Variants in TET3 observed in about 807,000 individuals in gnomAD.
The protein encoded by TET3 is methylcytosine dioxygenase TET3.
TET3 carries 19 observed loss-of-function variants against 141.4 expected under a neutral mutation model. The observed-to-expected ratio is 0.13, with a 90% CI of 0.09 to 0.20. The LOEUF is 0.20. Among genes scored for constraint, TET3 ranks in the 10% least tolerant of loss-of-function variants. TET3 has a pLI of 1.00. For synonymous variants in TET3, 1,043 were observed against 980.9 expected (o/e 1.06, Z -1.18); for missense variants, 1,874 against 2,356.9 (o/e 0.80, Z 4.24).
At chr2:74,135,442 A>G in the TET3 span, 1 of 1,231,046 alleles carries the variant, frequency 8.1e-7, no homozygotes, top group African/African-American at 1.5e-5. Context: ...TTTAATTAAC[A>G]TCTAAATAGA....
the TET3 span, chr2:74,120,672 T>G: frequency 6.6e-6 from 1 of 152,288 alleles, no homozygotes; most frequent in Non-Finnish European, 1.5e-5. Flanking sequence ...CTTGCCTGCC[T>G]GGACCCAGAA....
chr2:74,097,583 A>C (rs928214831), intron 10 of TET3, among the ~76,000 whole-genome samples: 2 of 152,324 alleles, frequency 1.3e-5, no homozygotes, highest in African/African-American at 4.8e-5. Flanking sequence ...GCACCGGGCC[A>C]GTCAGGAGGC....
intron 3 of TET3, among the ~76,000 whole-genome samples, chr2:74,025,192 C>G (rs1303847497): frequency 2.2e-4 from 32 of 145,622 alleles, no homozygotes; most frequent in Non-Finnish European, 4.4e-4. Context: ...CTACTGCACT[C>G]CAGCCTGGGT....
intron 8 of TET3, among the ~76,000 whole-genome samples, 167 bp downstream of exon 8, chr2:74,090,214 T>C (rs563519937): frequency 2.0e-5 from 3 of 152,314 alleles, no homozygotes; most frequent in African/African-American, 7.2e-5. Flanking sequence ...ATAAGGGGTG[T>C]GTGGAGGGCA....
At chr2:74,058,808 A>G in intron 4 of TET3, among the ~76,000 whole-genome samples, 1 of 152,226 alleles carries the variant, frequency 6.6e-6, no homozygotes, top group East Asian at 1.9e-4. Flanking sequence ...GGCAGCCTGC[A>G]GACCAAACCT....
chr2:74,012,931 C>G (rs945957624), intron 3 of TET3, among the ~76,000 whole-genome samples: 4 of 150,586 alleles, frequency 2.7e-5, no homozygotes, highest in Admixed American at 2.0e-4. Flanking sequence ...GTTTGAAGAT[C>G]AAATGATATT....
chr2:74,052,050 G>T (rs542066010), intron 4 of TET3, among the ~76,000 whole-genome samples: 38 of 152,316 alleles, frequency 2.5e-4, no homozygotes, highest in Non-Finnish European at 4.0e-4. Context: ...CGTGATCTTG[G>T]CTCACTGCAA....
chr2:74,098,596 C>CTT (rs11343259), intron 10 of TET3, among the ~76,000 whole-genome samples: 1 of 139,334 alleles, frequency 7.2e-6, no homozygotes, highest in Non-Finnish European at 1.6e-5. Context: ...AAAGGAAACT[C>CTT]TTTTTTTTTT....
the TET3 span, among the ~76,000 whole-genome samples, chr2:74,114,308 G>A: frequency 6.7e-6 from 1 of 149,534 alleles, no homozygotes; most frequent in East Asian, 2.0e-4. Flanking sequence ...ACTCGGGGGG[G>A]AGGGCTGGAA....
Position 74,100,902 on chromosome 2 carries a change from G to GC in TET3, c.4120dup (p.Leu1374ProfsTer35), listed in dbSNP as rs747653420. The GC allele has an allele frequency of 6.2e-7, 1 of 1,609,914 alleles. No individual in the cohort carries two copies. On this transcript the variant is annotated frameshift_variant, in exon 12 of 12. Coordinates refer to ENST00000409262, the MANE Select transcript of TET3 (RefSeq NM_001287491.2). LOFTEE classifies it high-confidence loss of function. ...CCCCAAGGAGTATCTGCTTCCCAAG[G>GC]CCCCCCTACTCCACTCAGTGTCCAG...
At chr2:74,078,753 A>G (rs952759463) in intron 5 of TET3, among the ~76,000 whole-genome samples, 1 of 152,238 alleles carries the variant, frequency 6.6e-6, no homozygotes, top group African/African-American at 2.4e-5. Context: ...ATGAAATAGT[A>G]TATTAAAATA....
In TET3 at chr2:74,106,338, GTT is replaced by G. The variant is rs1691504617; in HGVS notation, c.*4166_*4167del. On this transcript the variant is annotated 3_prime_UTR_variant, in exon 12 of 12. Coordinates refer to ENST00000409262, the MANE Select transcript of TET3 (RefSeq NM_001287491.2). ...AAAGAAAGGGCGAAGGGTTTTTTGA[GTT>G]TTTGTTTTTGAGGAAGGGGAGTTGG... 1 of 152,846 alleles carries G rather than the reference GTT, an allele frequency of 6.5e-6. No individual in the cohort carries two copies. The highest frequency in any genetic ancestry group is 1.5e-5 in the Non-Finnish European group (1 of 68,026). The allele number at this position is 152,846 out of a possible 1,614,324, so 9.5% of individuals were successfully genotyped here.
intron 8 of TET3, among the ~76,000 whole-genome samples, chr2:74,091,300 C>A (rs1690478664): frequency 6.6e-6 from 1 of 152,224 alleles, no homozygotes; most frequent in Non-Finnish European, 1.5e-5. Context: ...TAATTTCTCT[C>A]AAATTCTTTC....
chr2:74,074,197 T>G (rs1238607747), intron 5 of TET3, among the ~76,000 whole-genome samples: 1 of 152,218 alleles, frequency 6.6e-6, no homozygotes, highest in Non-Finnish European at 1.5e-5. Context: ...ATTTCTCATA[T>G]GACAAGATAT....
At chr2:74,117,759 T>A in the TET3 span, among the ~76,000 whole-genome samples, 1 of 142,606 alleles carries the variant, frequency 7.0e-6, no homozygotes, top group African/African-American at 2.7e-5. Flanking sequence ...TATATATATT[T>A]TTTTATAACG....
intron 3 of TET3, among the ~76,000 whole-genome samples, chr2:74,005,225 TA>T (rs1685092276): frequency 6.6e-6 from 1 of 152,186 alleles, no homozygotes; most frequent in African/African-American, 2.4e-5. Context: ...GCCCCAGCCT[TA>T]GTGTTGTGGA....
chr2:74,059,983 T>A (rs1573815645), intron 4 of TET3, among the ~76,000 whole-genome samples: 2 of 152,232 alleles, frequency 1.3e-5, no homozygotes, highest in East Asian at 3.9e-4. Context: ...CATGCTGATA[T>A]AAGACATTCT....
rs1460172338 is a variant in TET3, at chr2:74,048,113, T to A, written c.2196T>A (p.Ile732=). ...FGLPGPPSVP[I]QDPENQQTCL... ...TTCCCGGCCCCCCTTCTGTGCCCAT[T>A]CAGGACCCCGAGAACCAGCAAACAT... Residue 732 remains isoleucine (I), a synonymous_variant, in exon 4 of 12, where the codon ATT becomes ATA. Coordinates refer to ENST00000409262, the MANE Select transcript of TET3 (RefSeq NM_001287491.2). 1.2e-6 allele frequency: 2 copies of A among 1,613,314 alleles called. No individual in the cohort carries two copies.
chr2:74,048,015 C>T lies in TET3; in HGVS notation c.2098C>T (p.Leu700Phe). ...TALQPGSTGP[L>F]PPADDKLEEL... ...CTTGCAGCCAGGCTCCACTGGCCCTCTTCCCCCTGCCGATGACAAGCTGGA... is the reference window on the plus strand; with the variant it reads ...CTTGCAGCCAGGCTCCACTGGCCCTTTTCCCCCTGCCGATGACAAGCTGGA... The change falls in exon 4 of 12, where the codon CTT (leucine) becomes TTT (phenylalanine). Residue 700 changes from leucine to phenylalanine, a missense_variant. Around this residue, in one of 10 missense-constraint regions of TET3, gnomAD observed 484 missense variants for 462.2 expected, o/e 1.05. Transcript: ENST00000409262. 1 of 1,608,856 alleles carries T rather than the reference C, an allele frequency of 6.2e-7. No individual in the cohort carries two copies. The highest frequency in any genetic ancestry group is 8.5e-7 in the Non-Finnish European group (1 of 1,177,340).
Sources: allele counts gnomAD v4.1 joint callset (sites outside exome capture counted in the v4.1 genomes callset), GRCh38; gene constraint gnomAD v4.1.1; regional missense constraint gnomAD v4.1.1; transcripts MANE v1.5; gene names NCBI Gene and HGNC (gene_info 2026-07-23, HGNC 2026-07-21).